The following ITGB2 variants were observed in gnomAD, a reference collection of about 807,000 sequenced individuals.
The protein encoded by ITGB2 is integrin subunit beta 2, also known as integrin beta-2.
A neutral mutation model predicts 86.8 loss-of-function variants in ITGB2; 56 were observed. That is an observed-to-expected ratio of 0.65 (90% CI 0.52 to 0.81). The LOEUF (loss-of-function observed/expected upper bound fraction) is 0.81. Ranked by LOEUF, ITGB2 falls within the 30% of genes least tolerant of loss-of-function variation. The pLI, the probability that ITGB2 is intolerant of heterozygous loss-of-function variation, is 0.00. For missense variants in ITGB2, 948 were observed against 1,061.2 expected (o/e 0.89, Z 1.48); for synonymous variants, 457 against 450.4 (o/e 1.01, Z -0.19).
At chr21:44,919,223 C>T (rs1411094915) in intron 1 of ITGB2, among the ~76,000 whole-genome samples, 2 of 152,130 alleles carry the variant, frequency 1.3e-5, no homozygotes, top group Admixed American at 1.3e-4. Flanking sequence ...CAGGATGGCA[C>T]CCGGCGGGGA....
chr21:44,904,627 G>A (rs573019284), intron 4 of ITGB2, among the ~76,000 whole-genome samples: 3 of 149,270 alleles, frequency 2.0e-5, no homozygotes, highest in Admixed American at 1.3e-4. Context: ...CCACATGCAC[G>A]CACACACACT....
At chr21:44,904,234 C>T (rs866837187) in intron 4 of ITGB2, among the ~76,000 whole-genome samples, 1 of 152,102 alleles carries the variant, frequency 6.6e-6, no homozygotes, top group South Asian at 2.1e-4. Flanking sequence ...AAGTGCAGAG[C>T]CCACTCCACC....
chr21:44,887,738 C>T (rs2083719960), intron 14 of ITGB2, among the ~76,000 whole-genome samples: 1 of 152,208 alleles, frequency 6.6e-6, no homozygotes. Context: ...CAGACGTGAC[C>T]CAAGTCTGTC....
intron 2 of ITGB2, 158 bp from the exon 3 acceptor site, chr21:44,910,530 G>C: frequency 6.7e-7 from 1 of 1,488,074 alleles, no homozygotes; most frequent in South Asian, 1.2e-5. Flanking sequence ...TGCAAAGAGG[G>C]GCCCTCGGGA....
rs767850773 is a variant in ITGB2 at position 44,891,889 on chromosome 21, C to A, written c.1332G>T (p.Gln444His). Residue 444 changes from glutamine (Q) to histidine (H), a missense_variant, in exon 11 of 16, where the codon CAG (glutamine) becomes CAT (histidine). Coordinates refer to ENST00000652462, the MANE Select transcript of ITGB2 (RefSeq NM_000211.5). ...TCTGGTCCCGGCACCGGCACTCACA[C>A]TGGGGAAGAACCTGCACGGTCACTA... ...TDIVTVQVLP[Q>H]CECRCRDQSR... is the part of the protein sequence containing the mutation. 3.7e-6 allele frequency: 6 copies of A among 1,613,044 alleles called. No homozygotes were observed. The Admixed American group carries it at 8.3e-5, about 22-fold the overall frequency.
chr21:44,913,599 C>G (rs1407380094), intron 1 of ITGB2, among the ~76,000 whole-genome samples: 1 of 152,154 alleles, frequency 6.6e-6, no homozygotes, highest in Non-Finnish European at 1.5e-5. Context: ...CCCCACCCCC[C>G]AATGCCAGTG....
chr21:44,918,414 A>G (rs58792764), intron 1 of ITGB2, among the ~76,000 whole-genome samples: 5,428 of 152,332 alleles, frequency 0.036, 314 homozygotes, highest in African/African-American at 0.12. Flanking sequence ...CAGAGTGGAC[A>G]GACCTGGGCC....
At chr21:44,919,988 T>C (rs2084276487) in intron 1 of ITGB2, among the ~76,000 whole-genome samples, 2 of 152,144 alleles carry the variant, frequency 1.3e-5, no homozygotes, top group Non-Finnish European at 2.9e-5. Flanking sequence ...GGGAATGGCC[T>C]CCAGGAGCCT....
chr21:44,921,746 A>G (rs1364312424), upstream of ITGB2, among the ~76,000 whole-genome samples: 1 of 152,134 alleles, frequency 6.6e-6, no homozygotes, highest in Non-Finnish European at 1.5e-5. Context: ...TTTGAGACAG[A>G]GTTTTGCTTT....
chr21:44,900,600 C>A, intron 6 of ITGB2, 125 bp from the exon 7 acceptor site: 1 of 1,216,618 alleles, frequency 8.2e-7, no homozygotes, highest in East Asian at 2.5e-5. Flanking sequence ...CCCCTTTCCC[C>A]TGGGTCTCAG....
At chr21:44,905,367 TTGCCCCCTGCACAGTGGGGATGCA>T (rs1348019852) in intron 4 of ITGB2, among the ~76,000 whole-genome samples, 1 of 152,000 alleles carries the variant, frequency 6.6e-6, no homozygotes, top group African/African-American at 2.4e-5. Context: ...GCCACAGCAT[TTGCCCCCTGCACAGTGGGGATGCA>T]TGCCAGGCCG....
intron 4 of ITGB2, among the ~76,000 whole-genome samples, chr21:44,904,010 G>A (rs1187581849): frequency 6.6e-6 from 1 of 152,116 alleles, no homozygotes; most frequent in Non-Finnish European, 1.5e-5. Flanking sequence ...CTGGACTTCC[G>A]CTCGCCCGCG....
chr21:44,909,473 G>A (rs1431232401), intron 3 of ITGB2: 2 of 152,416 alleles, frequency 1.3e-5, no homozygotes, highest in African/African-American at 4.8e-5. Flanking sequence ...CCAAGGAGAC[G>A]GCTGAGCGTA....
intron 4 of ITGB2, among the ~76,000 whole-genome samples, chr21:44,904,701 A>G (rs536385391): frequency 4.0e-5 from 6 of 151,704 alleles, no homozygotes; most frequent in Admixed American, 2.0e-4. Flanking sequence ...ACACACATGC[A>G]CTCACATACA....
At chr21:44,921,875 C>T (rs1201280932), upstream of ITGB2, among the ~76,000 whole-genome samples, 1 of 152,114 alleles carries the variant, frequency 6.6e-6, no homozygotes, top group Non-Finnish European at 1.5e-5. Context: ...GCACATGTAC[C>T]ACCACGCCTG....
rs541340527 is a variant in ITGB2, at chr21:44,904,322, A to G, written c.329-787T>C. 3.9e-5 allele frequency among the ~76,000 whole-genome samples: 6 copies of G among 152,092 alleles called. No homozygotes were observed. In the South Asian group the frequency reaches 1.2e-3, roughly 32 times the overall value. On this transcript the variant is annotated intron_variant, in intron 4 of 15. Transcript: ENST00000652462. ...CAGACACACACACACGCACTCCTAC[A>G]CATAAATACACCACATGCACACACA...
chr21:44,899,293 C>CGAAGGCTGG (rs2083913093), intron 7 of ITGB2, 131 bp from the exon 8 acceptor site: 2 of 721,564 alleles, frequency 2.8e-6, no homozygotes, highest in African/African-American at 3.5e-5. Flanking sequence ...GCTGGAGAGG[C>CGAAGGCTGG]AGAGGCTGCC....
At position 44,886,316 on chromosome 21, in the gene ITGB2, G is replaced by T; in HGVS notation, c.*52C>A. The T allele has an allele frequency of 2.7e-6, 4 of 1,486,778 alleles. No individual in the cohort carries two copies. The highest frequency in any genetic ancestry group is 3.8e-6 in the Non-Finnish European group (4 of 1,063,908). The allele number at this position is 1,486,778 out of a possible 1,614,324, so 92.1% of individuals were successfully genotyped here. A position where few individuals can be genotyped will look rare whatever the true frequency, so the allele number is the denominator to read the frequency against. ...CTGTGGCAAGCCATGTCTCGGCCGC[G>T]TGATGGGGCAGACATGGTGGGTCCT... On this transcript the variant is annotated 3_prime_UTR_variant, in exon 16 of 16. Transcript: ENST00000652462.
intron 11 of ITGB2, among the ~76,000 whole-genome samples, chr21:44,890,758 C>G (rs1225357651): frequency 6.6e-6 from 1 of 152,150 alleles, no homozygotes; most frequent in Non-Finnish European, 1.5e-5. Flanking sequence ...AGAGACGGCA[C>G]TGCCACGGGC....
Sources: allele counts gnomAD v4.1 joint callset (sites outside exome capture counted in the v4.1 genomes callset), GRCh38; gene constraint gnomAD v4.1.1; transcripts MANE v1.5; gene names NCBI Gene and HGNC (gene_info 2026-07-23, HGNC 2026-07-21).